DNAH6: variants seen among roughly 807,000 people sequenced by gnomAD.
DNAH6 encodes the protein dynein axonemal heavy chain 6, also known as axonemal beta dynein heavy chain 6.
Under a neutral mutation model 491.4 loss-of-function variants are expected in DNAH6, and 340 were observed. That is an observed-to-expected ratio of 0.69 (90% CI 0.63 to 0.76). DNAH6 has a LOEUF of 0.76. Among genes scored for constraint, DNAH6 ranks in the 30% least tolerant of loss-of-function variants. The pLI is 0.00. For synonymous variants in DNAH6, 1,603 were observed against 1,686.1 expected (o/e 0.95, Z 1.21); for missense variants, 4,443 against 4,972.2 (o/e 0.89, Z 3.20).
chr2:84,754,739 T>G (rs1374458714), intron 63 of DNAH6, among the ~76,000 whole-genome samples: 1 of 152,262 alleles, frequency 6.6e-6, no homozygotes, highest in Admixed American at 6.5e-5. Flanking sequence ...TTTGTTTTCC[T>G]TTTTCAAGAT....
chr2:84,604,399 G>C lies in DNAH6; in HGVS notation c.2929G>C (p.Glu977Gln), dbSNP rs1445907315. The C allele has an allele frequency of 3.9e-6, 6 of 1,552,210 alleles. No homozygotes were observed. Residue 977 changes from glutamate (E) to glutamine (Q), a missense_variant, in exon 19 of 77, where the codon GAA becomes CAA. Physicochemically the swap from Glu to Gln is conservative, Grantham distance 29. This residue lies in a region of DNAH6 where 2,977 missense variants were observed against 3,296.6 expected (regional missense o/e 0.90). Coordinates refer to ENST00000389394, the MANE Select transcript of DNAH6 (RefSeq NM_001370.2). Reference protein sequence around the residue: ...TLKARHWAAIEQTVDATLVDA... With the variant: ...TLKARHWAAIQQTVDATLVDA... ...GAAGGCAAGACATTGGGCAGCTATT[G>C]AACAAACAGTTGATGCCACTCTAGT...
intron 10 of DNAH6, among the ~76,000 whole-genome samples, chr2:84,556,371 T>A (rs2104589563): frequency 6.6e-6 from 1 of 152,306 alleles, no homozygotes; most frequent in Admixed American, 6.5e-5. Flanking sequence ...GTATCCTATT[T>A]CTGCACTGTA....
chr2:84,781,739 A>T (rs1446251941), intron 65 of DNAH6, 86 bp downstream of exon 65: 3 of 1,395,588 alleles, frequency 2.1e-6, no homozygotes, highest in Non-Finnish European at 2.8e-6. Context: ...GTAATTCATT[A>T]TTGTAGGCAC....
intron 68 of DNAH6, among the ~76,000 whole-genome samples, chr2:84,795,104 C>T (rs565030780): frequency 2.1e-5 from 3 of 140,950 alleles, no homozygotes; most frequent in African/African-American, 8.0e-5. Flanking sequence ...CACATGTTCT[C>T]ACTCATAGGT....
intron 60 of DNAH6, among the ~76,000 whole-genome samples, chr2:84,723,010 C>G (rs1456509423): frequency 6.6e-6 from 1 of 152,068 alleles, no homozygotes; most frequent in Non-Finnish European, 1.5e-5. Flanking sequence ...GGTGGATCAC[C>G]TGAGGTCAGG....
At chr2:84,504,886 C>A in the DNAH6 span, among the ~76,000 whole-genome samples, 1 of 152,168 alleles carries the variant, frequency 6.6e-6, no homozygotes, top group Admixed American at 6.6e-5. Context: ...AGCTTGTCAA[C>A]TTTTATAAAA....
intron 63 of DNAH6, among the ~76,000 whole-genome samples, chr2:84,757,617 A>C (rs966332039): frequency 8.5e-5 from 13 of 152,238 alleles, no homozygotes; most frequent in Admixed American, 6.5e-4. Flanking sequence ...GAAGTGACTA[A>C]CTAAGATAGG....
intron 62 of DNAH6, among the ~76,000 whole-genome samples, chr2:84,739,805 G>C (rs1264563212): frequency 6.6e-6 from 1 of 151,972 alleles, no homozygotes; most frequent in Non-Finnish European, 1.5e-5. Context: ...TGGCTTCTTT[G>C]TGTGGGATTT....
chr2:84,817,005 T>A (rs1680548532), intron 76 of DNAH6, among the ~76,000 whole-genome samples: 1 of 152,126 alleles, frequency 6.6e-6, no homozygotes, highest in African/African-American at 2.4e-5. Flanking sequence ...AAATAAAGAA[T>A]GGAGGAGAGA....
At chr2:84,675,342 G>A (rs550455785) in intron 40 of DNAH6, among the ~76,000 whole-genome samples, 10 of 152,106 alleles carry the variant, frequency 6.6e-5, no homozygotes, top group East Asian at 1.9e-4. Context: ...ACTGATTCAC[G>A]TAGAGACAGG....
At chr2:84,496,769 C>T in the DNAH6 span, among the ~76,000 whole-genome samples, 1 of 152,066 alleles carries the variant, frequency 6.6e-6, no homozygotes, top group African/African-American at 2.4e-5. Context: ...TGAATTTGTA[C>T]ACATTTATAT....
chr2:84,684,361 G>T (rs988703661), intron 42 of DNAH6, among the ~76,000 whole-genome samples: 1 of 152,042 alleles, frequency 6.6e-6, no homozygotes, highest in Non-Finnish European at 1.5e-5. Context: ...TCAAAATTCA[G>T]GATCCACTTT....
chr2:84,701,852 A>G (rs1202863408), intron 49 of DNAH6, among the ~76,000 whole-genome samples: 4 of 152,142 alleles, frequency 2.6e-5, no homozygotes, highest in African/African-American at 9.7e-5. Context: ...GATCCAAACC[A>G]TATCAGGCCC....
chr2:84,510,406 G>A, the DNAH6 span, among the ~76,000 whole-genome samples: 20 of 152,184 alleles, frequency 1.3e-4, no homozygotes, highest in African/African-American at 4.3e-4. Context: ...TAGTTCTCGT[G>A]CCTTGGTTTT....
chr2:84,784,926 A>C, intron 66 of DNAH6, 116 bp downstream of exon 66: 1 of 700,540 alleles, frequency 1.4e-6, no homozygotes, highest in Non-Finnish European at 2.4e-6. Flanking sequence ...TGTGGCCAGC[A>C]TGGGGAGGTG....
At chr2:84,768,687 CTAAA>C in intron 64 of DNAH6, among the ~76,000 whole-genome samples, 1 of 151,970 alleles carries the variant, frequency 6.6e-6, no homozygotes, top group Admixed American at 6.6e-5. Context: ...TCAAAAATAC[CTAAA>C]TAAAGGATGG....
intron 62 of DNAH6, among the ~76,000 whole-genome samples, chr2:84,739,977 C>T (rs1672355121): frequency 6.6e-6 from 1 of 151,170 alleles, no homozygotes; most frequent in African/African-American, 2.4e-5. Context: ...TGGGGTTCTG[C>T]ACTGGTTACT....
intron 4 of DNAH6, 39 bp from the exon 5 acceptor site, chr2:84,544,194 A>G: frequency 9.1e-7 from 1 of 1,102,222 alleles, no homozygotes; most frequent in Non-Finnish European, 1.3e-6. Context: ...TTTGTATTGA[A>G]TACTTTATTT....
chr2:84,591,128 A>T (rs1684073352), intron 16 of DNAH6, among the ~76,000 whole-genome samples: 1 of 152,232 alleles, frequency 6.6e-6, no homozygotes, highest in South Asian at 2.1e-4. Flanking sequence ...TGCTCAAGGG[A>T]CAAACTTCTA....
Sources: gnomAD v4.1 joint callset for allele counts (sites outside exome capture counted in the v4.1 genomes callset) on GRCh38, gnomAD v4.1.1 for gene constraint, gnomAD v4.1.1 regional missense constraint, MANE v1.5 for transcripts, NCBI Gene and HGNC (gene_info 2026-07-23, HGNC 2026-07-21) for gene names.